Variants in CAPN14 observed in about 807,000 individuals in gnomAD.
CAPN14 encodes calpain 14, also known as calpain-14.
Under a neutral mutation model 101.3 loss-of-function variants are expected in CAPN14, and 94 were observed. That is an observed-to-expected ratio of 0.93 (90% CI 0.79 to 1.10). The LOEUF (loss-of-function observed/expected upper bound fraction) is 1.10. Among genes scored for constraint, CAPN14 ranks in the 50% least tolerant of loss-of-function variants. The pLI is 0.00. For missense variants in CAPN14, 837 were observed against 828.4 expected, an observed-to-expected ratio of 1.01 and a Z score of -0.13; for synonymous variants, 338 against 317.9, an observed-to-expected ratio of 1.06 and a Z score of -0.67.
chr2:31,203,522 T>C (rs1390419043), intron 2 of CAPN14, among the ~76,000 whole-genome samples: 1 of 152,188 alleles, frequency 6.6e-6, no homozygotes, highest in Non-Finnish European at 1.5e-5. Context: ...TGACCCCTAA[T>C]ATGATGTTCT....
At chr2:31,188,967 G>A (rs1363849851) in intron 13 of CAPN14, among the ~76,000 whole-genome samples, 1 of 152,202 alleles carries the variant, frequency 6.6e-6, no homozygotes, top group Admixed American at 6.5e-5. Context: ...GGATGCACTG[G>A]AAGATCAATA....
intron 1 of CAPN14, among the ~76,000 whole-genome samples, chr2:31,206,017 C>CTTT (rs1467609221): frequency 7.1e-6 from 1 of 141,098 alleles, no homozygotes; most frequent in Non-Finnish European, 1.6e-5. Context: ...CCTACATTAT[C>CTTT]TTTATTTTTT....
At position 31,174,328 on chromosome 2, in the gene CAPN14, G is replaced by C; in HGVS notation, c.*353C>G. On this transcript the variant is annotated 3_prime_UTR_variant, in exon 22 of 22. Coordinates refer to ENST00000403897, the MANE Select transcript of CAPN14 (RefSeq NM_001145122.2). The stretch of plus-strand genomic sequence containing the variant: ...ACATGTGGCATGTCTAAAGTCACTT[G>C]AGTTTGCAGCCACAGAGGCAGTGTT... The C allele has an allele frequency of 2.6e-6, 1 of 390,288 alleles. No individual in the cohort carries two copies. Among genetic ancestry groups the C allele is most frequent in the Non-Finnish European group, 4.6e-6 (1 of 215,346 alleles). The allele number at this position is 390,288 out of a possible 1,614,324, so 24.2% of individuals were successfully genotyped here.
chr2:31,193,490 G>C (rs574568622), intron 9 of CAPN14, among the ~76,000 whole-genome samples, 196 bp from the exon 10 acceptor site: 3,054 of 152,264 alleles, frequency 0.02, 50 homozygotes, highest in Middle Eastern at 0.044. Context: ...GTCCATCGTG[G>C]GGGGCTGGAG....
chr2:31,177,171 G>A (rs1387346926), intron 19 of CAPN14, 29 bp from the exon 20 acceptor site: 9 of 1,505,308 alleles, frequency 6.0e-6, no homozygotes, highest in Middle Eastern at 3.6e-4. Flanking sequence ...CCTGCTGTGG[G>A]TATTGGGGGC....
upstream of CAPN14, chr2:31,217,619 C>T (rs1368477253): frequency 6.6e-6 from 1 of 152,346 alleles, no homozygotes; most frequent in Non-Finnish European, 1.5e-5. Context: ...TTCCTCCCCA[C>T]TGTGTGTTCT....
intron 8 of CAPN14, among the ~76,000 whole-genome samples, chr2:31,195,650 G>A (rs1681435713): frequency 6.6e-6 from 1 of 152,084 alleles, no homozygotes; most frequent in African/African-American, 2.4e-5. Context: ...AGACTTTATT[G>A]AATACATGGA....
chr2:31,194,110 G>A (rs904369209), intron 9 of CAPN14, among the ~76,000 whole-genome samples: 1 of 152,182 alleles, frequency 6.6e-6, no homozygotes. Flanking sequence ...GACAAAAAAG[G>A]CAAAACCTGT....
intron 19 of CAPN14, 31 bp from the exon 20 acceptor site, chr2:31,177,173 A>C (rs4516476): frequency 6.0e-6 from 9 of 1,499,026 alleles, no homozygotes; most frequent in Middle Eastern, 1.8e-4. Flanking sequence ...TGCTGTGGGT[A>C]TTGGGGGCTT....
chr2:31,203,612 C>T (rs79309590), intron 2 of CAPN14, among the ~76,000 whole-genome samples: 5,954 of 152,172 alleles, frequency 0.039, 131 homozygotes, highest in African/African-American at 0.057. Flanking sequence ...GATTTATATT[C>T]TCAGTCTTTG....
upstream of CAPN14, chr2:31,233,920 AG>A (rs1383758261): frequency 1.3e-5 from 2 of 152,488 alleles, no homozygotes; most frequent in African/African-American, 4.8e-5. Context: ...GAAGCCCCAG[AG>A]GCGGAGACTG....
chr2:31,186,528 A>G, intron 15 of CAPN14, 43 bp from the exon 16 acceptor site: 1 of 1,456,218 alleles, frequency 6.9e-7, no homozygotes, highest in Non-Finnish European at 9.4e-7. Context: ...ACTGTTACTG[A>G]AGGCTCATTA....
At chr2:31,176,492 T>C in intron 21 of CAPN14, 95 bp downstream of exon 21, 2 of 858,794 alleles carry the variant, frequency 2.3e-6, no homozygotes, top group Non-Finnish European at 3.8e-6. Context: ...CAGAATAAAG[T>C]GTCCCCAGAG....
intron 17 of CAPN14, among the ~76,000 whole-genome samples, chr2:31,179,215 T>C (rs1361696088): frequency 6.6e-6 from 1 of 151,662 alleles, no homozygotes; most frequent in Non-Finnish European, 1.5e-5. Context: ...ATGTTATCTT[T>C]CCCCCTGCCC....
chr2:31,186,421 CACTT>C lies in CAPN14; in HGVS notation c.1645+3_1645+6del. On this transcript the variant is annotated splice_donor_5th_base_variant and intron_variant, in intron 16 of 21. Coordinates refer to ENST00000403897, the MANE Select transcript of CAPN14 (RefSeq NM_001145122.2). ...TGAGTCCTACAGAATGGCTCTAAAA[CACTT>C]ACTTGACCAGGTCATCTGGTTCAGG... The C allele has an allele frequency of 6.5e-6, 10 of 1,547,312 alleles. No homozygotes were observed. Among genetic ancestry groups the C allele is most frequent in the Non-Finnish European group, 6.1e-6 (7 of 1,144,804 alleles).
In CAPN14 at chr2:31,174,525, G is replaced by T; in HGVS notation, c.*156C>A. On this transcript the variant is annotated 3_prime_UTR_variant, in exon 22 of 22. Transcript: ENST00000403897. ...CTGCATGCTGGCCATGCACGGGGAG[G>T]GCTGCAGAAGAGAAACCTTCCCAGC... The T allele has an allele frequency of 1.4e-6, 1 of 694,116 alleles. No homozygotes were observed. The highest frequency in any genetic ancestry group is 2.5e-6 in the Non-Finnish European group (1 of 404,378). 43.0% of individuals were successfully genotyped at this position (694,116 alleles called of 1,614,324 possible).
chr2:31,222,145 T>C (rs538733380), upstream of CAPN14, among the ~76,000 whole-genome samples: 3 of 152,344 alleles, frequency 2.0e-5, no homozygotes, highest in Admixed American at 1.3e-4. Context: ...AAGAGACTTA[T>C]GTTGAAATGA....
At chr2:31,227,623 T>C (rs1281958685) in intron 1 of CAPN14, among the ~76,000 whole-genome samples, 1 of 152,220 alleles carries the variant, frequency 6.6e-6, no homozygotes, top group East Asian at 1.9e-4. Flanking sequence ...TGAAGCGTCA[T>C]TGGCACTTTT....
intron 1 of CAPN14, among the ~76,000 whole-genome samples, chr2:31,206,021 A>ATCTTTT (rs1682059653): frequency 9.2e-6 from 1 of 108,750 alleles, no homozygotes; most frequent in Non-Finnish European, 2.0e-5. Flanking sequence ...CATTATCTTT[A>ATCTTTT]TTTTTTTTAT....
Sources: allele counts gnomAD v4.1 joint callset (sites outside exome capture counted in the v4.1 genomes callset), GRCh38; gene constraint gnomAD v4.1.1; transcripts MANE v1.5; gene names NCBI Gene and HGNC (gene_info 2026-07-23, HGNC 2026-07-21).